The following LRRTM3 variants were observed in gnomAD, a reference collection of about 807,000 sequenced individuals.
The protein encoded by LRRTM3 is leucine-rich repeat transmembrane neuronal protein 3.
Under a neutral mutation model 44.7 loss-of-function variants are expected in LRRTM3, and 24 were observed. That is an observed-to-expected ratio of 0.54 (90% CI 0.39 to 0.76). The LOEUF (loss-of-function observed/expected upper bound fraction) is 0.76. Ranked by LOEUF, LRRTM3 falls within the 30% of genes least tolerant of loss-of-function variation. The probability of loss-of-function intolerance (pLI) is 0.00; values close to 1 mark genes in which losing one functional copy is unlikely to be tolerated. For missense variants in LRRTM3, 587 were observed against 702.2 expected (o/e 0.84, Z 1.85); for synonymous variants, 277 against 278.7 (o/e 0.99, Z 0.06).
intron 2 of LRRTM3, among the ~76,000 whole-genome samples, chr10:67,090,958 CA>C (rs1857596199): frequency 6.6e-6 from 1 of 151,912 alleles, no homozygotes; most frequent in Non-Finnish European, 1.5e-5. Flanking sequence ...ACTTAGAAAC[CA>C]AAATAGTGAT....
At chr10:66,950,869 T>C (rs550524558) in intron 2 of LRRTM3, among the ~76,000 whole-genome samples, 154 of 152,268 alleles carry the variant, frequency 1.0e-3, no homozygotes, top group African/African-American at 3.6e-3. Context: ...TCTTAACCCA[T>C]TTTATAGGTA....
In LRRTM3 at chr10:66,927,712, G is replaced by T; in HGVS notation, c.796G>T (p.Glu266Ter). 6.2e-7 allele frequency: 1 copy of T among 1,614,146 alleles called. No individual in the cohort carries two copies. Among genetic ancestry groups the T allele is most frequent in the Non-Finnish European group, 8.5e-7 (1 of 1,180,040 alleles). Residue 266 changes from glutamate to a stop codon, truncating the protein, a stop_gained, in exon 2 of 3, where the codon GAA becomes TAA. Transcript: ENST00000361320. LOFTEE classifies it high-confidence loss of function. This position sits in a 1 kb window ranked among gnomAD's most constrained non-coding sequence, Gnocchi z 4.7. ...GCTTGATTTATCAGGCAATGAGATC[G>T]AAGCTTTCAGTGGACCCAGTGTTTT... ...QRLDLSGNEI[E>*]AFSGPSVFQC...
At chr10:66,931,562 G>A (rs544810486) in intron 2 of LRRTM3, among the ~76,000 whole-genome samples, 5 of 152,224 alleles carry the variant, frequency 3.3e-5, no homozygotes, top group South Asian at 2.1e-4. Flanking sequence ...TCTAGTGTCT[G>A]GTTAGACTAA....
intron 2 of LRRTM3, among the ~76,000 whole-genome samples, chr10:67,051,624 T>C (rs1477058336): frequency 6.6e-6 from 1 of 152,052 alleles, no homozygotes; most frequent in Non-Finnish European, 1.5e-5. Context: ...TGAGATGGTC[T>C]TGATCTTTTG....
intron 2 of LRRTM3, chr10:67,052,612 C>G (rs920556602): frequency 2.0e-5 from 3 of 152,052 alleles, no homozygotes; most frequent in Non-Finnish European, 2.9e-5. Context: ...TCCCAAACTG[C>G]CCCATCAAAG....
chr10:67,006,787 A>G (rs1421944171), intron 2 of LRRTM3, among the ~76,000 whole-genome samples: 1 of 135,282 alleles, frequency 7.4e-6, no homozygotes, highest in Non-Finnish European at 1.6e-5. Flanking sequence ...CCTCAAAATT[A>G]CAGTCTTAAA....
intron 2 of LRRTM3, among the ~76,000 whole-genome samples, chr10:67,006,436 A>T (rs1851993833): frequency 2.0e-5 from 3 of 152,072 alleles, no homozygotes; most frequent in Admixed American, 6.6e-5. Context: ...ACTACTCTAC[A>T]TCTTGAAAAG....
At chr10:67,060,316 GAA>G (rs1223332396) in intron 2 of LRRTM3, among the ~76,000 whole-genome samples, 2 of 151,998 alleles carry the variant, frequency 1.3e-5, no homozygotes, top group African/African-American at 4.8e-5. Flanking sequence ...TTGTCTCAAA[GAA>G]AAGTCTTTTT....
At chr10:66,991,849 T>G (rs907887462) in intron 2 of LRRTM3, among the ~76,000 whole-genome samples, 1 of 152,234 alleles carries the variant, frequency 6.6e-6, no homozygotes, top group Non-Finnish European at 1.5e-5. Flanking sequence ...AATACTTTCA[T>G]TTAATCAGTT....
At chr10:66,999,923 T>C (rs553261295) in intron 2 of LRRTM3, among the ~76,000 whole-genome samples, 1 of 152,316 alleles carries the variant, frequency 6.6e-6, no homozygotes, top group African/African-American at 2.4e-5. Context: ...ATTTGTTGTG[T>C]TGGCTTTAGA....
intron 2 of LRRTM3, among the ~76,000 whole-genome samples, chr10:67,031,877 A>T (rs187480171): frequency 6.6e-6 from 1 of 152,310 alleles, no homozygotes; most frequent in African/African-American, 2.4e-5. Context: ...GGGCCACAAA[A>T]CATGCTTATC....
intron 2 of LRRTM3, among the ~76,000 whole-genome samples, chr10:66,984,916 A>G (rs534026544): frequency 6.6e-6 from 1 of 152,150 alleles, no homozygotes; most frequent in Admixed American, 6.5e-5. Flanking sequence ...GTTTAAGTAC[A>G]ATAAGAACAT....
chr10:66,936,637 G>A (rs780600000), intron 2 of LRRTM3, among the ~76,000 whole-genome samples: 31 of 152,098 alleles, frequency 2.0e-4, no homozygotes, highest in Non-Finnish European at 3.7e-4. Flanking sequence ...CGGACAGATG[G>A]ACTAGATTGA....
chr10:66,942,715 T>G (rs1848072727), intron 2 of LRRTM3, among the ~76,000 whole-genome samples: 1 of 152,054 alleles, frequency 6.6e-6, no homozygotes, highest in African/African-American at 2.4e-5. Flanking sequence ...CTTCCCATAC[T>G]CAGCACTCAA....
At chr10:67,050,478 C>A (rs1855018373) in intron 2 of LRRTM3, among the ~76,000 whole-genome samples, 1 of 152,158 alleles carries the variant, frequency 6.6e-6, no homozygotes, top group South Asian at 2.1e-4. Context: ...GCTTAGATTG[C>A]AGAACAGACA....
intron 2 of LRRTM3, among the ~76,000 whole-genome samples, chr10:66,958,090 C>T (rs1360628457): frequency 6.6e-6 from 1 of 151,980 alleles, no homozygotes; most frequent in Non-Finnish European, 1.5e-5. Flanking sequence ...CCTTGCTGGC[C>T]TTCAGTACCA....
At chr10:66,957,404 A>ATG (rs1312651745) in intron 2 of LRRTM3, among the ~76,000 whole-genome samples, 2 of 32,846 alleles carry the variant, frequency 6.1e-5, no homozygotes, top group East Asian at 1.1e-3. Flanking sequence ...ATATATATAT[A>ATG]TATATATATG....
rs1406555811 is a variant in LRRTM3 at position 66,927,079 on chromosome 10, A to T, written c.163A>T (p.Ile55Leu). 1 of 1,614,046 alleles carries T rather than the reference A, an allele frequency of 6.2e-7. No individual in the cohort carries two copies. Among genetic ancestry groups the T allele is most frequent in the African/African-American group, 1.3e-5 (1 of 74,932 alleles). The change falls in exon 2 of 3, where the codon ATA becomes TTA. Residue 55 changes from isoleucine (I) to leucine (L), a missense_variant. Transcript: ENST00000361320. This position sits in a 1 kb window ranked among gnomAD's most constrained non-coding sequence, Gnocchi z 4.7. ...VYCESQKLQE[I>L]PSSISAGCLG... ...TTGTGAATCTCAGAAATTACAGGAG[A>T]TACCCTCAAGTATATCTGCTGGTTG... is the stretch of plus-strand genomic sequence containing the variant.
At chr10:66,973,117 A>T (rs1849819235) in intron 2 of LRRTM3, among the ~76,000 whole-genome samples, 1 of 152,216 alleles carries the variant, frequency 6.6e-6, no homozygotes, top group Non-Finnish European at 1.5e-5. Flanking sequence ...GCTAAGATCA[A>T]ATGAACAGTT....
Sources: allele counts gnomAD v4.1 joint callset (sites outside exome capture counted in the v4.1 genomes callset), GRCh38; gene constraint gnomAD v4.1.1; non-coding constraint Gnocchi (gnomAD v3.1); transcripts MANE v1.5; gene names NCBI Gene and HGNC (gene_info 2026-07-23, HGNC 2026-07-21).